The following PWWP3A variants were observed in gnomAD, a reference collection of about 807,000 sequenced individuals.
PWWP3A encodes PWWP domain-containing DNA repair factor 3A.
A neutral mutation model predicts 79.0 loss-of-function variants in PWWP3A; 53 were observed. The ratio of observed to expected loss-of-function variants is 0.67; its 90% CI spans 0.54 to 0.84. The LOEUF (loss-of-function observed/expected upper bound fraction) is 0.84, where lower values mean the gene tolerates loss of function less well. Among genes scored for constraint, PWWP3A ranks in the 40% least tolerant of loss-of-function variants. PWWP3A has a pLI of 0.00. For missense variants in PWWP3A, 973 were observed against 948.0 expected (o/e 1.03, Z -0.35); for synonymous variants, 443 against 394.4 (o/e 1.12, Z -1.46).
chr19:1,374,169 T>C (rs1315471661), intron 13 of PWWP3A: 1 of 151,998 alleles, frequency 6.6e-6, no homozygotes, highest in Non-Finnish European at 1.5e-5. Flanking sequence ...CGCCCATCTG[T>C]GGAAATCTTT....
chr19:1,367,255 G>C (rs1358508513), intron 9 of PWWP3A, 35 bp downstream of exon 9: 2 of 1,567,058 alleles, frequency 1.3e-6, no homozygotes, highest in South Asian at 2.3e-5. Context: ...GCTTTAAATG[G>C]TTTACTTTGT....
Position 1,369,588 on chromosome 19 carries a change from C to T in PWWP3A, c.1499-8C>T. 1.2e-6 allele frequency: 2 copies of T among 1,614,204 alleles called. No homozygotes were observed. The highest frequency in any genetic ancestry group is 2.2e-5 in the South Asian group (2 of 91,088). ...TACACAGTGCTCTCTCCCCTCCACC[C>T]CCTGCAGGCTGCGGGTCTTTTGCTG... On this transcript the variant is annotated splice_polypyrimidine_tract_variant and splice_region_variant and intron_variant, in intron 10 of 13. Transcript: ENST00000591337. This position sits in a 1 kb window ranked among gnomAD's most constrained non-coding sequence, Gnocchi z 4.0.
chr19:1,363,622 G>A (rs1364887325), intron 6 of PWWP3A, among the ~76,000 whole-genome samples: 3 of 152,118 alleles, frequency 2.0e-5, no homozygotes, highest in South Asian at 2.1e-4. Context: ...TTTTGCTCCC[G>A]TTTGGTTTTG....
chr19:1,360,095 C>T lies in PWWP3A; in HGVS notation c.215-41C>T. 1 of 1,508,856 alleles carries T rather than the reference C, an allele frequency of 6.6e-7. No homozygotes were observed. Among genetic ancestry groups the T allele is most frequent in the Non-Finnish European group, 8.8e-7 (1 of 1,131,344 alleles). The allele number at this position is 1,508,856 out of a possible 1,614,324, so 93.5% of individuals were successfully genotyped here. On this transcript the variant is annotated intron_variant, in intron 4 of 13. Coordinates refer to ENST00000591337, the MANE Select transcript of PWWP3A (RefSeq NM_001369789.1). This position sits in a 1 kb window ranked among gnomAD's most constrained non-coding sequence, Gnocchi z 4.4. The stretch of plus-strand genomic sequence containing the variant: ...CGATGCCGTGACCGCAGTGCCTGTG[C>T]AGTGAACGTAACCGGCATTGTGTAT...
rs3826942 is a variant in PWWP3A, at chr19:1,360,576, G to A, written c.655G>A (p.Gly219Arg). Residue 219 changes from glycine to arginine, a missense_variant, in exon 5 of 14, where the codon GGA becomes AGA. Physicochemically the swap from Gly to Arg is moderately radical, Grantham distance 125. Transcript: ENST00000591337. This position sits in a 1 kb window ranked among gnomAD's most constrained non-coding sequence, Gnocchi z 4.4. ...TTGGACTCTTGCAAGTAAGAGGGGA[G>A]GAAACTCAGCGCAGAAGGCTAGCTT... The part of the protein sequence containing the change: ...KNWTLASKRG[G>R]NSAQKASLCL... 1,192,431 of 1,613,948 alleles carry A rather than the reference G, an allele frequency of 0.74. 443,154 individuals carry two copies. The highest frequency in any genetic ancestry group is 0.77 in the Middle Eastern group (4,686 of 6,062).
intron 13 of PWWP3A, among the ~76,000 whole-genome samples, chr19:1,374,711 TAGTA>T (rs1326502220): frequency 2.8e-4 from 42 of 152,304 alleles, no homozygotes; most frequent in African/African-American, 8.4e-4. Flanking sequence ...GGAGGTCACT[TAGTA>T]AGGACAATTT....
Position 1,360,519 on chromosome 19 carries a change from G to A in PWWP3A, c.598G>A (p.Asp200Asn), listed in dbSNP as rs755875907. The A allele has an allele frequency of 8.7e-6, 14 of 1,614,238 alleles. No individual in the cohort carries two copies. Among genetic ancestry groups the A allele is most frequent in the South Asian group, 7.7e-5 (7 of 91,092 alleles). Reference protein sequence around the residue: ...LVLPAGGGAQDESGSRIHHKN... With the variant: ...LVLPAGGGAQNESGSRIHHKN... ...CCTCCCAGCTGGAGGTGGTGCCCAAGATGAGAGTGGGTCCAGAATCCACCA... is the reference window on the plus strand; with the variant it reads ...CCTCCCAGCTGGAGGTGGTGCCCAAAATGAGAGTGGGTCCAGAATCCACCA... The change falls in exon 5 of 14, where the codon GAT becomes AAT. Residue 200 changes from aspartate (D) to asparagine (N), a missense_variant. Physicochemically the swap from Asp to Asn is conservative, Grantham distance 23. Coordinates refer to ENST00000591337, the MANE Select transcript of PWWP3A (RefSeq NM_001369789.1). The surrounding 1 kb of genome is among the most constrained non-coding windows in gnomAD (Gnocchi z 4.4).
intron 6 of PWWP3A, chr19:1,364,120 T>C: frequency 1.9e-6 from 1 of 523,802 alleles, no homozygotes. Context: ...TGCCATTACC[T>C]CACCTCTGTT....
In PWWP3A at chr19:1,369,149, G is replaced by T. The variant is rs1031265701; in HGVS notation, c.1423-116G>T. 2.6e-5 allele frequency: 23 copies of T among 872,788 alleles called. No individual in the cohort carries two copies. The highest frequency in any genetic ancestry group is 3.7e-5 in the Non-Finnish European group (20 of 536,000). The allele number at this position is 872,788 out of a possible 1,614,324, so 54.1% of individuals were successfully genotyped here. The stretch of plus-strand genomic sequence containing the variant: ...TTTGTCAGGGAGGGTCAGAGGTGCG[G>T]GCTGGAGCGTGAGCAGCCTGGACAC... On this transcript the variant is annotated intron_variant, in intron 9 of 13. Coordinates refer to ENST00000591337, the MANE Select transcript of PWWP3A (RefSeq NM_001369789.1). The surrounding 1 kb of genome is among the most constrained non-coding windows in gnomAD (Gnocchi z 4.0).
At chr19:1,357,118 A>G (rs754292971) in intron 3 of PWWP3A, 24 bp downstream of exon 3, 2 of 1,563,938 alleles carry the variant, frequency 1.3e-6, no homozygotes, top group Non-Finnish European at 8.7e-7. Flanking sequence ...TTGTTTTAAT[A>G]CTGTTTTTTC....
In PWWP3A at chr19:1,356,253, C is replaced by T. The variant is rs980746128; in HGVS notation, c.-69-71C>T. On this transcript the variant is annotated intron_variant, in intron 1 of 13. Transcript: ENST00000591337. ...AGGCTAAGTCGAGCTAACCTTTGCC[C>T]CTGAGGGCTGTGTCTGCGTTAACAT... 3.7e-6 allele frequency: 3 copies of T among 800,582 alleles called. No homozygotes were observed. The African/African-American group carries it at 5.1e-5, about 14-fold the overall frequency. 49.6% of individuals were successfully genotyped at this position (800,582 alleles called of 1,614,324 possible). A position where few individuals can be genotyped will look rare whatever the true frequency, so the allele number is the denominator to read the frequency against.
intron 3 of PWWP3A, chr19:1,357,650 A>G (rs547763366): frequency 1.3e-5 from 2 of 152,032 alleles, no homozygotes; most frequent in Non-Finnish European, 2.9e-5. Flanking sequence ...TAGATTGTCT[A>G]GAATGACAGC....
intron 8 of PWWP3A, among the ~76,000 whole-genome samples, 172 bp from the exon 9 acceptor site, chr19:1,366,988 A>G (rs950535636): frequency 7.2e-5 from 11 of 152,180 alleles, no homozygotes; most frequent in Non-Finnish European, 1.0e-4. Context: ...TGGACCCACC[A>G]TGGTGCATTG....
chr19:1,368,455 A>G lies in PWWP3A; in HGVS notation c.1423-810A>G, dbSNP rs541032526. 6.6e-6 allele frequency among the ~76,000 whole-genome samples: 1 copy of G among 151,990 alleles called. No individual in the cohort carries two copies. The highest frequency in any genetic ancestry group is 2.4e-5 in the African/African-American group (1 of 41,364). On this transcript the variant is annotated intron_variant, in intron 9 of 13. Transcript: ENST00000591337. This position sits in a 1 kb window ranked among gnomAD's most constrained non-coding sequence, Gnocchi z 4.7. Reference sequence around the variant, plus strand: ...TGGTAGTCACCGTGGCTTCTGAGGGATGATATTGGGGAAGCCGTGCTTTAG... The same window carrying G: ...TGGTAGTCACCGTGGCTTCTGAGGGGTGATATTGGGGAAGCCGTGCTTTAG...
At chr19:1,362,059 C>T in intron 5 of PWWP3A, 191 bp from the exon 6 acceptor site, 1 of 420,764 alleles carries the variant, frequency 2.4e-6, no homozygotes. Flanking sequence ...TTCCCTCCTT[C>T]CCTCTTGCGT....
chr19:1,369,147 C>A lies in PWWP3A; in HGVS notation c.1423-118C>A. ...CCTTTGTCAGGGAGGGTCAGAGGTGCGGGCTGGAGCGTGAGCAGCCTGGAC... is the reference window on the plus strand; with the variant it reads ...CCTTTGTCAGGGAGGGTCAGAGGTGAGGGCTGGAGCGTGAGCAGCCTGGAC... On this transcript the variant is annotated intron_variant, in intron 9 of 13. Transcript: ENST00000591337. This position sits in a 1 kb window ranked among gnomAD's most constrained non-coding sequence, Gnocchi z 4.0. The A allele has an allele frequency of 1.2e-6, 1 of 841,984 alleles. No homozygotes were observed. Among genetic ancestry groups the A allele is most frequent in the South Asian group, 1.5e-5 (1 of 65,346 alleles). The allele number at this position is 841,984 out of a possible 1,614,324, so 52.2% of individuals were successfully genotyped here. A position where few individuals can be genotyped will look rare whatever the true frequency, so the allele number is the denominator to read the frequency against.
Position 1,369,447 on chromosome 19 carries a change from G to C in PWWP3A, c.1498+107G>C, listed in dbSNP as rs905754790. On this transcript the variant is annotated intron_variant, in intron 10 of 13. Coordinates refer to ENST00000591337, the MANE Select transcript of PWWP3A (RefSeq NM_001369789.1). This position sits in a 1 kb window ranked among gnomAD's most constrained non-coding sequence, Gnocchi z 4.0. ...CTGCCTGGAGGCGGGGCATATTTCC[G>C]TGGGCCTGGGGCATTCCCTGTGGGT... The C allele has an allele frequency of 3.4e-6, 5 of 1,490,578 alleles. No homozygotes were observed. The highest frequency in any genetic ancestry group is 2.8e-5 in the African/African-American group (2 of 72,284). The allele number at this position is 1,490,578 out of a possible 1,614,324, so 92.3% of individuals were successfully genotyped here.
At chr19:1,376,295 G>GTC (rs2082393468) in intron 13 of PWWP3A, among the ~76,000 whole-genome samples, 1 of 67,048 alleles carries the variant, frequency 1.5e-5, no homozygotes, top group Non-Finnish European at 3.0e-5. Flanking sequence ...CCGGCTGTTT[G>GTC]TTTTTTTTTT....
chr19:1,368,115 G>A lies in PWWP3A; in HGVS notation c.1422+895G>A, dbSNP rs1278580516. Among the ~76,000 whole-genome samples, 1 of 152,082 alleles carries A rather than the reference G, an allele frequency of 6.6e-6. No homozygotes were observed. The stretch of plus-strand genomic sequence containing the variant: ...AATTTTTGTATTTTTAGTAGAGACG[G>A]GGTTTCATCATATTGGCCAGGTTGG... On this transcript the variant is annotated intron_variant, in intron 9 of 13. Coordinates refer to ENST00000591337, the MANE Select transcript of PWWP3A (RefSeq NM_001369789.1). The surrounding 1 kb of genome is among the most constrained non-coding windows in gnomAD (Gnocchi z 4.7).
Sources: allele counts gnomAD v4.1 joint callset (sites outside exome capture counted in the v4.1 genomes callset), GRCh38; gene constraint gnomAD v4.1.1; non-coding constraint Gnocchi (gnomAD v3.1); transcripts MANE v1.5; gene names NCBI Gene and HGNC (gene_info 2026-07-23, HGNC 2026-07-21).